ZDHHC17: variants seen among roughly 807,000 people sequenced by gnomAD.
ZDHHC17 encodes the protein zDHHC palmitoyltransferase 17.
Under a neutral mutation model 90.3 loss-of-function variants are expected in ZDHHC17, and 40 were observed. The observed-to-expected ratio is 0.44, with a 90% CI of 0.34 to 0.58. The LOEUF is 0.58. Ranked by LOEUF, ZDHHC17 falls within the 20% of genes least tolerant of loss-of-function variation. The pLI, the probability that ZDHHC17 is intolerant of heterozygous loss-of-function variation, is 0.01. For synonymous variants in ZDHHC17, 235 were observed against 252.4 expected (o/e 0.93, Z 0.65); for missense variants, 614 against 780.8 (o/e 0.79, Z 2.55).
chr12:76,802,438 C>T (rs1270088053), intron 2 of ZDHHC17, among the ~76,000 whole-genome samples: 1 of 152,140 alleles, frequency 6.6e-6, no homozygotes, highest in African/African-American at 2.4e-5. Context: ...TCTTGGAGTT[C>T]CTTTTACGTT....
At chr12:76,812,327 C>T (rs1312208798) in intron 5 of ZDHHC17, among the ~76,000 whole-genome samples, 1 of 151,912 alleles carries the variant, frequency 6.6e-6, no homozygotes, top group East Asian at 1.9e-4. Flanking sequence ...TTTTTTTTTG[C>T]TACTTTTTCA....
At chr12:76,825,338 A>G (rs1953217599) in intron 8 of ZDHHC17, among the ~76,000 whole-genome samples, 1 of 152,198 alleles carries the variant, frequency 6.6e-6, no homozygotes, top group African/African-American at 2.4e-5. Context: ...TAGGTGGTGG[A>G]TAGACTTCAC....
chr12:76,804,056 A>G (rs1315444841), intron 2 of ZDHHC17, among the ~76,000 whole-genome samples: 2 of 152,224 alleles, frequency 1.3e-5, no homozygotes, highest in Non-Finnish European at 2.9e-5. Context: ...ATCATCACAA[A>G]AGCTTTACAA....
At chr12:76,804,080 T>C (rs1238064313) in intron 2 of ZDHHC17, among the ~76,000 whole-genome samples, 1 of 152,190 alleles carries the variant, frequency 6.6e-6, no homozygotes, top group African/African-American at 2.4e-5. Flanking sequence ...TTGACAACTC[T>C]AGCTAGTGAG....
intron 2 of ZDHHC17, among the ~76,000 whole-genome samples, chr12:76,803,996 T>C (rs1258213717): frequency 6.6e-6 from 1 of 152,216 alleles, no homozygotes; most frequent in Admixed American, 6.5e-5. Context: ...ATATGTGTGA[T>C]GCTGGGTGGG....
At chr12:76,837,840 T>C (rs936401653) in intron 10 of ZDHHC17, among the ~76,000 whole-genome samples, 11 of 152,080 alleles carry the variant, frequency 7.2e-5, no homozygotes, top group African/African-American at 2.7e-4. Context: ...TTTTTTGAGA[T>C]GGAGGTCTCA....
At chr12:76,834,509 G>A (rs1953341228) in intron 10 of ZDHHC17, among the ~76,000 whole-genome samples, 1 of 152,036 alleles carries the variant, frequency 6.6e-6, no homozygotes, top group African/African-American at 2.4e-5. Flanking sequence ...ATTTTTTTCT[G>A]TAGGTTACTT....
chr12:76,831,194 T>C (rs1953295966), intron 10 of ZDHHC17, among the ~76,000 whole-genome samples: 1 of 152,204 alleles, frequency 6.6e-6, no homozygotes, highest in South Asian at 2.1e-4. Context: ...AATAAACACC[T>C]GAGGACATAC....
At chr12:76,785,746 A>G (rs1438153749) in intron 1 of ZDHHC17, among the ~76,000 whole-genome samples, 1 of 152,188 alleles carries the variant, frequency 6.6e-6, no homozygotes, top group Non-Finnish European at 1.5e-5. Flanking sequence ...TAGAATAGCT[A>G]ACATGAGCAC....
At chr12:76,811,866 T>C (rs1245089522) in intron 5 of ZDHHC17, among the ~76,000 whole-genome samples, 1 of 152,158 alleles carries the variant, frequency 6.6e-6, no homozygotes, top group Non-Finnish European at 1.5e-5. Flanking sequence ...AGTGTCAACA[T>C]GATGCCACAA....
At chr12:76,767,269 T>C (rs562740261) in intron 1 of ZDHHC17, among the ~76,000 whole-genome samples, 37 of 152,316 alleles carry the variant, frequency 2.4e-4, no homozygotes, top group African/African-American at 8.2e-4. Flanking sequence ...CAAATTTCAT[T>C]TCACTTTTTA....
At chr12:76,827,345 A>G (rs1364870491) in intron 9 of ZDHHC17, among the ~76,000 whole-genome samples, 2 of 152,164 alleles carry the variant, frequency 1.3e-5, no homozygotes. Context: ...TAACATACAT[A>G]TTGTTAATTT....
chr12:76,835,443 T>A (rs1426653895), intron 10 of ZDHHC17, among the ~76,000 whole-genome samples: 2 of 152,182 alleles, frequency 1.3e-5, no homozygotes, highest in East Asian at 1.9e-4. Context: ...TTATGTTTTT[T>A]AATGAAGTCA....
At chr12:76,764,474 C>T in intron 1 of ZDHHC17, 145 bp downstream of exon 1, 2 of 750,580 alleles carry the variant, frequency 2.7e-6, no homozygotes, top group East Asian at 2.8e-5. Flanking sequence ...CAGGCCTGAG[C>T]GCGGCTGCGA....
intron 1 of ZDHHC17, among the ~76,000 whole-genome samples, chr12:76,775,175 C>A (rs1452220981): frequency 6.6e-6 from 1 of 152,152 alleles, no homozygotes; most frequent in Non-Finnish European, 1.5e-5. Context: ...CATTAGCAAT[C>A]CATTTAAAGA....
Position 76,842,902 on chromosome 12 carries a change from A to AT in ZDHHC17, c.1267-10dup, listed in dbSNP as rs781338627. ...ATTGTTCAGTTTTGAATTAAATATT[A>AT]TTTTTTTAATTCACAGACAATAGTT... is the stretch of plus-strand genomic sequence containing the variant. On this transcript the variant is annotated splice_polypyrimidine_tract_variant and intron_variant, in intron 11 of 16. Transcript: ENST00000426126. 8 of 1,582,306 alleles carry AT rather than the reference A, an allele frequency of 5.1e-6. No homozygotes were observed. The highest frequency in any genetic ancestry group is 4.1e-5 in the African/African-American group (3 of 73,822).
chr12:76,770,985 A>C (rs868304266), intron 1 of ZDHHC17, among the ~76,000 whole-genome samples: 1 of 151,956 alleles, frequency 6.6e-6, no homozygotes, highest in East Asian at 1.9e-4. Context: ...ACAATTACAT[A>C]ATCCGAAAAG....
intron 1 of ZDHHC17, among the ~76,000 whole-genome samples, chr12:76,765,074 A>G (rs1952416520): frequency 6.6e-6 from 1 of 152,190 alleles, no homozygotes; most frequent in South Asian, 2.1e-4. Context: ...CCGAGTTTGT[A>G]GCTGAGCTAG....
At chr12:76,846,746 C>A in intron 14 of ZDHHC17, 67 bp downstream of exon 14, 1 of 1,303,812 alleles carries the variant, frequency 7.7e-7, no homozygotes, top group Non-Finnish European at 1.1e-6. Context: ...ACTTACCACA[C>A]TAACAAATTA....
Sources: allele counts gnomAD v4.1 joint callset (sites outside exome capture counted in the v4.1 genomes callset), GRCh38; gene constraint gnomAD v4.1.1; transcripts MANE v1.5; gene names NCBI Gene and HGNC (gene_info 2026-07-23, HGNC 2026-07-21).